The following KCNN3 variants were observed in gnomAD, a reference collection of about 807,000 sequenced individuals.
KCNN3 encodes potassium calcium-activated channel subfamily N member 3, also known as small conductance calcium-activated potassium channel protein 3.
Under a neutral mutation model 62.9 loss-of-function variants are expected in KCNN3, and 16 were observed. That is an observed-to-expected ratio of 0.25 (90% CI 0.17 to 0.39). The LOEUF is 0.39. KCNN3 is among the 10% of genes least tolerant of loss of function. The pLI is 1.00. For synonymous variants in KCNN3, 370 were observed against 389.2 expected (o/e 0.95, Z 0.58); for missense variants, 599 against 949.4 (o/e 0.63, Z 4.85).
At chr1:154,716,561 G>A (rs1700236971) in intron 5 of KCNN3, among the ~76,000 whole-genome samples, 1 of 152,202 alleles carries the variant, frequency 6.6e-6, no homozygotes, top group Non-Finnish European at 1.5e-5. Flanking sequence ...TTATTACTAA[G>A]GCTGGATTAT....
intron 2 of KCNN3, among the ~76,000 whole-genome samples, chr1:154,796,413 G>A (rs1649737119): frequency 1.3e-5 from 2 of 152,100 alleles, no homozygotes; most frequent in South Asian, 4.1e-4. Flanking sequence ...AGAGGTTGAG[G>A]GCAGAGCTGG....
intron 3 of KCNN3, among the ~76,000 whole-genome samples, chr1:154,739,659 CAT>C (rs1297215052): frequency 1.3e-5 from 2 of 152,174 alleles, no homozygotes; most frequent in African/African-American, 2.4e-5. Flanking sequence ...GTTTCTAACA[CAT>C]AGAGTATGGC....
chr1:154,730,847 G>C (rs1341438221), intron 4 of KCNN3, among the ~76,000 whole-genome samples: 3 of 152,134 alleles, frequency 2.0e-5, no homozygotes, highest in African/African-American at 7.2e-5. Context: ...CTCTCTGGGG[G>C]AGCACTGCAC....
In KCNN3 at chr1:154,698,797, T is replaced by C. The variant is rs993682435; in HGVS notation, c.*9179A>G. Reference sequence around the variant, plus strand: ...AGAGACTTCCCACTAGTCCACCTTCTGTGTGTGTTACCAAAAGGAAGCCAT... The same window carrying C: ...AGAGACTTCCCACTAGTCCACCTTCCGTGTGTGTTACCAAAAGGAAGCCAT... On this transcript the variant is annotated 3_prime_UTR_variant, in exon 8 of 8. Transcript: ENST00000271915. The C allele has an allele frequency of 2.0e-5, 3 of 152,214 alleles. No individual in the cohort carries two copies. The highest frequency in any genetic ancestry group is 4.4e-5 in the Non-Finnish European group (3 of 68,038). The allele number at this position is 152,214 out of a possible 1,614,324, so 9.4% of individuals were successfully genotyped here. A position where few individuals can be genotyped will look rare whatever the true frequency, so the allele number is the denominator to read the frequency against.
At chr1:154,839,642 G>C (rs942611228) in intron 1 of KCNN3, among the ~76,000 whole-genome samples, 1 of 152,196 alleles carries the variant, frequency 6.6e-6, no homozygotes, top group African/African-American at 2.4e-5. Flanking sequence ...GCTGGACTCA[G>C]ACCCCCGCTC....
intron 3 of KCNN3, among the ~76,000 whole-genome samples, chr1:154,768,197 G>C (rs1648383876): frequency 6.6e-6 from 1 of 152,184 alleles, no homozygotes; most frequent in East Asian, 1.9e-4. Flanking sequence ...ACACTACCCT[G>C]GTCTGACGCT....
chr1:154,751,364 A>G (rs1456350231), intron 3 of KCNN3, among the ~76,000 whole-genome samples: 1 of 152,148 alleles, frequency 6.6e-6, no homozygotes, highest in Non-Finnish European at 1.5e-5. Flanking sequence ...CTGACTGCAG[A>G]GGCAAAAGCC....
At chr1:154,714,611 T>C (rs1467943609) in intron 6 of KCNN3, among the ~76,000 whole-genome samples, 2 of 54,388 alleles carry the variant, frequency 3.7e-5, no homozygotes, top group African/African-American at 6.8e-5. Flanking sequence ...GTGTGGTGTG[T>C]GGTGTGTGTG....
At chr1:154,824,137 G>A (rs552328871) in intron 1 of KCNN3, among the ~76,000 whole-genome samples, 1 of 152,316 alleles carries the variant, frequency 6.6e-6, no homozygotes, top group African/African-American at 2.4e-5. Context: ...ATATACACCA[G>A]AAGCTTCTGA....
chr1:154,839,681 C>T (rs1407015600), intron 1 of KCNN3, among the ~76,000 whole-genome samples: 2 of 152,200 alleles, frequency 1.3e-5, no homozygotes, highest in African/African-American at 4.8e-5. Flanking sequence ...CTGAGGACCT[C>T]GCCTGGGGCA....
At chr1:154,833,180 G>T (rs1364869591) in intron 1 of KCNN3, among the ~76,000 whole-genome samples, 3 of 152,058 alleles carry the variant, frequency 2.0e-5, no homozygotes, top group South Asian at 4.2e-4. Context: ...TTCCAAAATG[G>T]AGAAAACCAC....
At chr1:154,715,047 C>T (rs996061958) in intron 5 of KCNN3, 44 bp from the exon 6 acceptor site, 12 of 1,611,416 alleles carry the variant, frequency 7.4e-6, no homozygotes, top group African/African-American at 6.7e-5. Flanking sequence ...GGTTCATTTT[C>T]TTAGGTTCAT....
chr1:154,740,621 A>T (rs897111072), intron 3 of KCNN3, among the ~76,000 whole-genome samples: 1 of 152,236 alleles, frequency 6.6e-6, no homozygotes, highest in African/African-American at 2.4e-5. Flanking sequence ...GGTGGATAAG[A>T]GTTCCTGTTT....
At chr1:154,820,422 G>T (rs973954632) in intron 2 of KCNN3, among the ~76,000 whole-genome samples, 1 of 152,206 alleles carries the variant, frequency 6.6e-6, no homozygotes, top group African/African-American at 2.4e-5. Flanking sequence ...TGAGTTTTAT[G>T]GTTCTGCCTT....
chr1:154,727,338 C>T (rs1700491649), intron 4 of KCNN3, among the ~76,000 whole-genome samples: 1 of 152,202 alleles, frequency 6.6e-6, no homozygotes, highest in South Asian at 2.1e-4. Context: ...TCAGGTCTTA[C>T]AAAATGTGTG....
At chr1:154,863,742 A>C (rs1487748230) in intron 1 of KCNN3, among the ~76,000 whole-genome samples, 2 of 152,242 alleles carry the variant, frequency 1.3e-5, no homozygotes, top group African/African-American at 4.8e-5. Flanking sequence ...ACGAGGCATC[A>C]GCCGCCTTTC....
Position 154,703,238 on chromosome 1 carries a change from A to G in KCNN3, c.*4738T>C, listed in dbSNP as rs779904978. ...CTACTACCACAAGCAGACAGTTACT[A>G]TTGCGATCCCTGTAAACTCCTTTCT... On this transcript the variant is annotated 3_prime_UTR_variant, in exon 8 of 8. Transcript: ENST00000271915. 5.9e-5 allele frequency: 9 copies of G among 152,082 alleles called. No individual in the cohort carries two copies. The highest frequency in any genetic ancestry group is 1.0e-4 in the Non-Finnish European group (7 of 68,006). The allele number at this position is 152,082 out of a possible 1,614,324, so 9.4% of individuals were successfully genotyped here. A position where few individuals can be genotyped will look rare whatever the true frequency, so the allele number is the denominator to read the frequency against.
At chr1:154,757,512 A>G (rs572631445) in intron 3 of KCNN3, among the ~76,000 whole-genome samples, 147 of 152,318 alleles carry the variant, frequency 9.7e-4, no homozygotes, top group African/African-American at 2.8e-3. Context: ...GGGCTATAGA[A>G]TGGAACTGTC....
intron 2 of KCNN3, among the ~76,000 whole-genome samples, chr1:154,815,325 CT>C (rs530066921): frequency 6.6e-5 from 10 of 151,952 alleles, no homozygotes; most frequent in Non-Finnish European, 1.2e-4. Context: ...GCTTCCTTCT[CT>C]TTTTTTTTCC....
Sources: allele counts gnomAD v4.1 joint callset (sites outside exome capture counted in the v4.1 genomes callset), GRCh38; gene constraint gnomAD v4.1.1; transcripts MANE v1.5; gene names NCBI Gene and HGNC (gene_info 2026-07-23, HGNC 2026-07-21).